ATP5PO: variants seen among roughly 807,000 people sequenced by gnomAD.
The protein encoded by ATP5PO is ATP synthase peripheral stalk subunit OSCP, mitochondrial.
Under a neutral mutation model 26.2 loss-of-function variants are expected in ATP5PO, and 14 were observed. The observed-to-expected ratio is 0.53, with a 90% CI of 0.35 to 0.83. The LOEUF (loss-of-function observed/expected upper bound fraction) is 0.83. Among genes scored for constraint, ATP5PO ranks in the 40% least tolerant of loss-of-function variants. ATP5PO has a pLI of 0.01. For missense variants in ATP5PO, 241 were observed against 258.5 expected, an observed-to-expected ratio of 0.93 and a Z score of 0.46; for synonymous variants, 106 against 95.1, an observed-to-expected ratio of 1.12 and a Z score of -0.67.
intron 5 of ATP5PO, among the ~76,000 whole-genome samples, chr21:33,904,943 G>A (rs1987149614): frequency 6.6e-6 from 1 of 152,090 alleles, no homozygotes; most frequent in Non-Finnish European, 1.5e-5. Context: ...GTTTCACCAT[G>A]CTGGTCAGAC....
At chr21:33,912,447 T>G in intron 2 of ATP5PO, 48 bp from the exon 3 acceptor site, 1 of 1,336,684 alleles carries the variant, frequency 7.5e-7, no homozygotes, top group South Asian at 1.2e-5. Flanking sequence ...GGAAAATCAG[T>G]TAATAGTATA....
chr21:33,914,626 A>G (rs1987290522), intron 1 of ATP5PO, 126 bp from the exon 2 acceptor site: 2 of 835,460 alleles, frequency 2.4e-6, no homozygotes, highest in East Asian at 2.6e-5. Flanking sequence ...GTATATTCAC[A>G]TATTACATGA....
chr21:33,912,630 T>C (rs1987264159), intron 2 of ATP5PO, among the ~76,000 whole-genome samples: 1 of 152,210 alleles, frequency 6.6e-6, no homozygotes, highest in African/African-American at 2.4e-5. Context: ...ATCTGTAAAA[T>C]GAGGGGCTTA....
intron 5 of ATP5PO, among the ~76,000 whole-genome samples, chr21:33,906,131 G>A (rs1388882450): frequency 6.6e-6 from 1 of 152,056 alleles, no homozygotes; most frequent in Non-Finnish European, 1.5e-5. Context: ...ACCAACTACT[G>A]AACTACAAAC....
At chr21:33,909,517 C>T (rs1005154468) in intron 3 of ATP5PO, among the ~76,000 whole-genome samples, 12 of 152,126 alleles carry the variant, frequency 7.9e-5, no homozygotes, top group East Asian at 3.9e-4. Flanking sequence ...CCACCCACCT[C>T]GGCCTCCCAA....
chr21:33,904,056 A>G, intron 5 of ATP5PO, 35 bp from the exon 6 acceptor site: 1 of 1,555,936 alleles, frequency 6.4e-7, no homozygotes, highest in Non-Finnish European at 8.8e-7. Context: ...ATTTAGATAA[A>G]GCAAAACAGA....
intron 1 of ATP5PO, chr21:33,914,887 A>C (rs1318252487): frequency 3.0e-5 from 5 of 164,092 alleles, no homozygotes; most frequent in African/African-American, 1.2e-4. Flanking sequence ...CTCGGAATGC[A>C]AATGCTATCT....
intron 5 of ATP5PO, chr21:33,906,798 G>A (rs1987178882): frequency 2.2e-6 from 1 of 456,124 alleles, no homozygotes; most frequent in Non-Finnish European, 4.4e-6. Context: ...GACAAGCCTG[G>A]AGAACACAGT....
chr21:33,911,278 T>TA (rs1051582548), intron 3 of ATP5PO, among the ~76,000 whole-genome samples: 46 of 150,038 alleles, frequency 3.1e-4, no homozygotes, highest in Admixed American at 6.7e-4. Flanking sequence ...TTTTCATGTT[T>TA]AAAAAAAAAA....
chr21:33,914,640 T>A, intron 1 of ATP5PO, 140 bp from the exon 2 acceptor site: 1 of 725,628 alleles, frequency 1.4e-6, no homozygotes, highest in Non-Finnish European at 2.2e-6. Flanking sequence ...TACATGAGGG[T>A]GAGCTACTTA....
intron 5 of ATP5PO, 73 bp from the exon 6 acceptor site, chr21:33,904,094 C>T (rs1394283969): frequency 5.5e-5 from 74 of 1,338,570 alleles, no homozygotes; most frequent in Non-Finnish European, 7.3e-6. Context: ...TACCCCAGGC[C>T]CACATCACCA....
chr21:33,914,304 C>G, intron 2 of ATP5PO, 146 bp downstream of exon 2: 1 of 679,564 alleles, frequency 1.5e-6, no homozygotes, highest in South Asian at 2.2e-5. Flanking sequence ...TTTCCCCACC[C>G]TATGCACACA....
intron 3 of ATP5PO, among the ~76,000 whole-genome samples, chr21:33,910,572 C>T (rs1987234421): frequency 6.6e-6 from 1 of 152,186 alleles, no homozygotes; most frequent in South Asian, 2.1e-4. Flanking sequence ...TATCCACAAT[C>T]CAAGTAATTC....
chr21:33,907,515 G>A, intron 4 of ATP5PO, 62 bp from the exon 5 acceptor site: 1 of 1,435,838 alleles, frequency 7.0e-7, no homozygotes, highest in Non-Finnish European at 9.8e-7. Context: ...TCATGAAGTT[G>A]TATACTCAAC....
chr21:33,914,702 G>A (rs2148607955), intron 1 of ATP5PO: 2 of 520,724 alleles, frequency 3.8e-6, no homozygotes, highest in Middle Eastern at 4.9e-4. Flanking sequence ...AGTTGCTTGG[G>A]AAATCACCTT....
intron 2 of ATP5PO, 152 bp from the exon 3 acceptor site, chr21:33,912,551 G>A (rs1390106613): frequency 4.1e-6 from 2 of 487,162 alleles, no homozygotes; most frequent in African/African-American, 3.9e-5. Context: ...TGTCCTAAAT[G>A]GCAATTTGCA....
rs1987127732 is a variant in ATP5PO, at chr21:33,903,453, T to C, written c.*73A>G. 1 of 1,284,434 alleles carries C rather than the reference T, an allele frequency of 7.8e-7. No homozygotes were observed. The highest frequency in any genetic ancestry group is 1.1e-6 in the Non-Finnish European group (1 of 911,206). 79.6% of individuals were successfully genotyped at this position (1,284,434 alleles called of 1,614,324 possible). A position where few individuals can be genotyped will look rare whatever the true frequency, so the allele number is the denominator to read the frequency against. On this transcript the variant is annotated 3_prime_UTR_variant, in exon 7 of 7. Coordinates refer to ENST00000290299, the MANE Select transcript of ATP5PO (RefSeq NM_001697.3). ...AGTTTAAAAGACAGTGAACATAATATGATCTGTTCTGGAAGCTTTTTATTG... is the reference window on the plus strand; with the variant it reads ...AGTTTAAAAGACAGTGAACATAATACGATCTGTTCTGGAAGCTTTTTATTG...
intron 1 of ATP5PO, chr21:33,915,495 G>A (rs954768779): frequency 3.4e-6 from 2 of 584,262 alleles, no homozygotes; most frequent in Non-Finnish European, 5.8e-6. Context: ...TCCAGGGGCT[G>A]TGCTCGGAAG....
intron 4 of ATP5PO, among the ~76,000 whole-genome samples, chr21:33,908,166 G>T (rs890967320): frequency 1.1e-5 from 1 of 89,800 alleles, no homozygotes; most frequent in African/African-American, 4.5e-5. Context: ...GGACACCCAG[G>T]CTCAAAAAAA....
Sources: allele counts gnomAD v4.1 joint callset (sites outside exome capture counted in the v4.1 genomes callset), GRCh38; gene constraint gnomAD v4.1.1; transcripts MANE v1.5; gene names NCBI Gene and HGNC (gene_info 2026-07-23, HGNC 2026-07-21).